The following OCA2 variants were observed in gnomAD, a reference collection of about 807,000 sequenced individuals.
OCA2 encodes OCA2 melanosomal transmembrane protein.
In OCA2, 77 loss-of-function variants were observed where a neutral mutation model predicts 100.2. The observed-to-expected ratio is 0.77, with a 90% CI of 0.64 to 0.93. The LOEUF is 0.93. OCA2 is among the 40% of genes least tolerant of loss of function. OCA2 has a pLI of 0.00. For synonymous variants in OCA2, 432 were observed against 439.2 expected (o/e 0.98, Z 0.21); for missense variants, 1,062 against 1,089.1 (o/e 0.98, Z 0.35).
chr15:28,064,352 G>A (rs1480155677), intron 2 of OCA2, among the ~76,000 whole-genome samples: 1 of 151,696 alleles, frequency 6.6e-6, no homozygotes, highest in African/African-American at 2.4e-5. Flanking sequence ...ATGTTTTCTG[G>A]TCCTTTCTCT....
chr15:28,083,707 T>TA (rs142103424), intron 1 of OCA2, among the ~76,000 whole-genome samples: 4,789 of 152,292 alleles, frequency 0.031, 108 homozygotes, highest in Middle Eastern at 0.12. Flanking sequence ...ATAATGACAT[T>TA]AAATACCAAT....
intron 19 of OCA2, among the ~76,000 whole-genome samples, chr15:27,918,373 CTT>C (rs1372431083): frequency 6.6e-6 from 1 of 152,042 alleles, no homozygotes; most frequent in Non-Finnish European, 1.5e-5. Context: ...TCCAGCACCT[CTT>C]GAGTTTCAAG....
intron 23 of OCA2, among the ~76,000 whole-genome samples, chr15:27,825,995 C>T (rs902343567): frequency 6.6e-6 from 1 of 152,204 alleles, no homozygotes; most frequent in Non-Finnish European, 1.5e-5. Context: ...AGACTATTGA[C>T]TGGGTGTGAG....
chr15:27,731,601 A>G, the OCA2 span, among the ~76,000 whole-genome samples: 1 of 152,244 alleles, frequency 6.6e-6, no homozygotes, highest in African/African-American at 2.4e-5. Flanking sequence ...TTAATGAGGT[A>G]TGAAGAGTTA....
At chr15:28,007,642 A>T (rs1157000339) in intron 9 of OCA2, among the ~76,000 whole-genome samples, 1 of 151,992 alleles carries the variant, frequency 6.6e-6, no homozygotes, top group Non-Finnish European at 1.5e-5. Context: ...AGGCAGGAGA[A>T]CTGCTTGAAC....
At chr15:27,749,389 A>G in the OCA2 span, among the ~76,000 whole-genome samples, 1 of 152,212 alleles carries the variant, frequency 6.6e-6, no homozygotes, top group Admixed American at 6.5e-5. Context: ...ATGAAGGTGA[A>G]ATGAAACTCT....
At chr15:27,767,186 A>G (rs1385133242) in intron 23 of OCA2, among the ~76,000 whole-genome samples, 1 of 152,168 alleles carries the variant, frequency 6.6e-6, no homozygotes, top group African/African-American at 2.4e-5. Flanking sequence ...GGTCTTACAA[A>G]TGGAAACCCA....
chr15:28,016,001 C>G (rs2042378650), intron 8 of OCA2, 103 bp downstream of exon 8: 1 of 864,618 alleles, frequency 1.2e-6, no homozygotes, highest in Non-Finnish European at 2.0e-6. Context: ...CACATGCTGA[C>G]CTGGTGCTGT....
At chr15:28,069,934 C>T (rs1269250877) in intron 2 of OCA2, among the ~76,000 whole-genome samples, 1 of 120,016 alleles carries the variant, frequency 8.3e-6, no homozygotes, top group Non-Finnish European at 1.5e-5. Context: ...TCCGCCCGGC[C>T]GCCATCCCAT....
rs1192052771 is a variant in OCA2 at position 27,957,676 on chromosome 15, G to C, written c.1696C>G (p.Arg566Gly). ...AGGCGGCGCACAGCTGTCTCCTCGCGGCTGGCCGGGCTGATGCGCTGAGCA... is the reference window on the plus strand; with the variant it reads ...AGGCGGCGCACAGCTGTCTCCTCGCCGCTGGCCGGGCTGATGCGCTGAGCA... Reference protein sequence around the residue: ...LTAQRISPASREETAVRRLLL... With the variant: ...LTAQRISPASGEETAVRRLLL... The change falls in exon 16 of 24, where the codon CGC (arginine) becomes GGC (glycine). Residue 566 changes from arginine (R) to glycine (G), a missense_variant. By Grantham distance (125) the Arg-to-Gly change is moderately radical. Coordinates refer to ENST00000354638, the MANE Select transcript of OCA2 (RefSeq NM_000275.3). This position sits in a 1 kb window ranked among gnomAD's most constrained non-coding sequence, Gnocchi z 4.3. The C allele has an allele frequency of 6.2e-7, 1 of 1,612,942 alleles. No homozygotes were observed. Among genetic ancestry groups the C allele is most frequent in the Non-Finnish European group, 8.5e-7 (1 of 1,180,018 alleles).
At chr15:28,051,387 G>A (rs1566841836) in intron 2 of OCA2, among the ~76,000 whole-genome samples, 2 of 152,038 alleles carry the variant, frequency 1.3e-5, no homozygotes, top group Non-Finnish European at 2.9e-5. Flanking sequence ...CCGCCTCCCA[G>A]GTTCAAGCAA....
the OCA2 span, among the ~76,000 whole-genome samples, chr15:27,722,800 C>T: frequency 1.2e-4 from 9 of 77,364 alleles, no homozygotes; most frequent in African/African-American, 3.5e-4. Flanking sequence ...CTCTCTCTCT[C>T]TTTCTCTCTC....
chr15:27,756,344 G>A (rs1308010335), intron 23 of OCA2, among the ~76,000 whole-genome samples: 2 of 152,160 alleles, frequency 1.3e-5, no homozygotes, highest in Non-Finnish European at 2.9e-5. Flanking sequence ...CCACAGCAAG[G>A]GTTCCTCAAC....
At chr15:27,889,924 C>T (rs2037386235) in intron 19 of OCA2, among the ~76,000 whole-genome samples, 1 of 152,124 alleles carries the variant, frequency 6.6e-6, no homozygotes, top group African/African-American at 2.4e-5. Flanking sequence ...TCAGTTTCCT[C>T]CAAGGTAGAA....
intron 8 of OCA2, 151 bp from the exon 9 acceptor site, chr15:28,015,080 C>T (rs2042349021): frequency 5.9e-6 from 5 of 843,598 alleles, no homozygotes; most frequent in East Asian, 2.7e-5. Flanking sequence ...CACAGGCCAG[C>T]GGCGTGAGAC....
At chr15:27,925,244 C>T (rs1304368468) in intron 19 of OCA2, among the ~76,000 whole-genome samples, 1 of 152,106 alleles carries the variant, frequency 6.6e-6, no homozygotes, top group African/African-American at 2.4e-5. Flanking sequence ...CAAGACAAAT[C>T]TAACACTGAT....
At position 27,851,383 on chromosome 15, in the gene OCA2, TC is replaced by T. The variant is rs1261095563; in HGVS notation, c.2336del (p.Gly779GlufsTer6). On this transcript the variant is annotated frameshift_variant and splice_region_variant, in exon 22 of 24. Transcript: ENST00000354638. LOFTEE classifies it high-confidence loss of function. ...CCCATGCAGTCAGCAGCCCCTTACCTCCCAGGCAAGCACCGAAGGCCAGGGC... is the reference window on the plus strand; with the variant it reads ...CCCATGCAGTCAGCAGCCCCTTACCTCCAGGCAAGCACCGAAGGCCAGGGC... ...MYALAFGACL[G>X]GNGTLIGASA... 2.5e-6 allele frequency: 4 copies of T among 1,613,396 alleles called. No homozygotes were observed. The highest frequency in any genetic ancestry group is 3.4e-6 in the Non-Finnish European group (4 of 1,179,816).
At chr15:28,076,931 T>C (rs2044449133) in intron 2 of OCA2, among the ~76,000 whole-genome samples, 1 of 151,974 alleles carries the variant, frequency 6.6e-6, no homozygotes, top group African/African-American at 2.4e-5. Context: ...ACATCTGTCA[T>C]TCTTACATAC....
rs567768882 is a variant in OCA2, at chr15:27,803,298, G to A, written c.2432+41661C>T. Among the ~76,000 whole-genome samples the A allele has an allele frequency of 1.2e-4, 19 of 152,230 alleles. No homozygotes were observed. In the South Asian group the frequency reaches 3.5e-3, roughly 28 times the overall value. The stretch of plus-strand genomic sequence containing the variant: ...TGTACACTCATCTTCATAGCAGCAT[G>A]ATTCAAAATAGCCAAAAGGTGGAAG... On this transcript the variant is annotated intron_variant, in intron 23 of 23. Coordinates refer to ENST00000354638, the MANE Select transcript of OCA2 (RefSeq NM_000275.3).
Sources: allele counts gnomAD v4.1 joint callset (sites outside exome capture counted in the v4.1 genomes callset), GRCh38; gene constraint gnomAD v4.1.1; non-coding constraint Gnocchi (gnomAD v3.1); transcripts MANE v1.5; gene names NCBI Gene and HGNC (gene_info 2026-07-23, HGNC 2026-07-21).